LDLRAD3: variants seen among roughly 807,000 people sequenced by gnomAD.
LDLRAD3 encodes low density lipoprotein receptor class A domain containing 3.
A neutral mutation model predicts 29.4 loss-of-function variants in LDLRAD3; 20 were observed. The observed-to-expected ratio is 0.68, with a 90% confidence interval of 0.48 to 0.99. The LOEUF (loss-of-function observed/expected upper bound fraction) is 0.99, where lower values mean the gene tolerates loss of function less well. Ranked by LOEUF, LDLRAD3 falls within the 50% of genes least tolerant of loss-of-function variation. LDLRAD3 has a pLI of 0.00. For synonymous variants in LDLRAD3, 157 were observed against 192.7 expected (o/e 0.81, Z 1.53); for missense variants, 420 against 454.3 (o/e 0.92, Z 0.69).
intron 2 of LDLRAD3, among the ~76,000 whole-genome samples, chr11:36,062,009 A>G (rs1590234169): frequency 6.6e-6 from 1 of 152,256 alleles, no homozygotes; most frequent in East Asian, 1.9e-4. Context: ...TATAGTAATA[A>G]AAACTCTTAG....
intron 4 of LDLRAD3, among the ~76,000 whole-genome samples, chr11:36,201,632 C>T (rs961995413): frequency 6.6e-6 from 1 of 152,182 alleles, no homozygotes; most frequent in South Asian, 2.1e-4. Flanking sequence ...ATAATTACAA[C>T]GATGAATATG....
intron 4 of LDLRAD3, among the ~76,000 whole-genome samples, chr11:36,102,756 C>CT (rs1366648339): frequency 6.6e-6 from 1 of 152,086 alleles, no homozygotes; most frequent in Non-Finnish European, 1.5e-5. Context: ...CTTTCGATGG[C>CT]TTTTCTGTTG....
At chr11:36,019,833 T>C (rs1014417790) in intron 1 of LDLRAD3, among the ~76,000 whole-genome samples, 2 of 152,188 alleles carry the variant, frequency 1.3e-5, no homozygotes, top group Admixed American at 6.5e-5. Flanking sequence ...GATGGAGGAC[T>C]GGAGGCGTGA....
chr11:36,189,086 C>T (rs1318259592), intron 4 of LDLRAD3, among the ~76,000 whole-genome samples: 1 of 152,040 alleles, frequency 6.6e-6, no homozygotes, highest in Admixed American at 6.6e-5. Context: ...CAACCATCAT[C>T]ACATTAAACA....
intron 1 of LDLRAD3, among the ~76,000 whole-genome samples, chr11:35,984,167 C>T (rs536935793): frequency 3.7e-4 from 57 of 152,272 alleles, no homozygotes; most frequent in African/African-American, 1.3e-3. Context: ...AGGGCCCTCA[C>T]ACTACTAATT....
At chr11:35,985,169 A>G (rs1170023146) in intron 1 of LDLRAD3, among the ~76,000 whole-genome samples, 1 of 152,064 alleles carries the variant, frequency 6.6e-6, no homozygotes, top group Non-Finnish European at 1.5e-5. Context: ...GGCTTCACGC[A>G]ATTCACTCAC....
At position 36,128,117 on chromosome 11, in the gene LDLRAD3, C is replaced by CATATATATATATAT. The variant is rs57687795; in HGVS notation, c.454+29661_454+29674dup. On this transcript the variant is annotated intron_variant, in intron 4 of 5. Coordinates refer to ENST00000315571, the MANE Select transcript of LDLRAD3 (RefSeq NM_174902.4). ...CGTATTGATGGCAGAGTTGTTTTTA[C>CATATATATATATAT]ATATATATATATATATATGTATATG... Among the ~76,000 whole-genome samples the CATATATATATATAT allele has an allele frequency of 1.9e-3, 190 of 98,978 alleles. 19 individuals are homozygous for CATATATATATATAT. The highest frequency in any genetic ancestry group is 5.1e-3 in the East Asian group (14 of 2,742). 64.9% of individuals were successfully genotyped at this position (98,978 alleles called of 152,430 possible). A position where few individuals can be genotyped will look rare whatever the true frequency, so the allele number is the denominator to read the frequency against.
At chr11:36,021,759 A>G (rs1046231046) in intron 1 of LDLRAD3, among the ~76,000 whole-genome samples, 6 of 152,164 alleles carry the variant, frequency 3.9e-5, no homozygotes, top group South Asian at 2.1e-4. Context: ...CTCCCACCTC[A>G]GCCTCCTGAG....
chr11:36,149,698 T>C (rs1048973062), intron 4 of LDLRAD3, among the ~76,000 whole-genome samples: 1 of 152,164 alleles, frequency 6.6e-6, no homozygotes, highest in Non-Finnish European at 1.5e-5. Flanking sequence ...CAGTTGGTAA[T>C]TGGGTAGAAA....
Position 36,139,358 on chromosome 11 carries a change from CA to C in LDLRAD3, c.454+40899del, listed in dbSNP as rs1433936753. The stretch of plus-strand genomic sequence containing the variant: ...TTCATCCGTCAATTATAGATGATCC[CA>C]ACTTTGGTCTGTGTGTGTCTTCATT... On this transcript the variant is annotated intron_variant, in intron 4 of 5. Transcript: ENST00000315571. Among the ~76,000 whole-genome samples the C allele has an allele frequency of 4.6e-5, 7 of 152,276 alleles. No individual in the cohort carries two copies. The East Asian group carries it at 1.4e-3, about 29-fold the overall frequency.
At chr11:36,191,577 T>TCTCTCTCTAC (rs1491311177) in intron 4 of LDLRAD3, among the ~76,000 whole-genome samples, 1 of 39,086 alleles carries the variant, frequency 2.6e-5, no homozygotes, top group Non-Finnish European at 5.1e-5. Context: ...TCTCTCTCTC[T>TCTCTCTCTAC]ATATATATAT....
At chr11:35,996,509 C>T (rs551433421) in intron 1 of LDLRAD3, among the ~76,000 whole-genome samples, 105 of 152,248 alleles carry the variant, frequency 6.9e-4, no homozygotes, top group Non-Finnish European at 1.4e-3. Flanking sequence ...GTGATACAAA[C>T]ACATGAAGTG....
intron 4 of LDLRAD3, among the ~76,000 whole-genome samples, chr11:36,160,056 C>T (rs1178745806): frequency 6.6e-6 from 1 of 152,188 alleles, no homozygotes; most frequent in Non-Finnish European, 1.5e-5. Context: ...AAATCCGTGG[C>T]CTTACTGGCT....
At chr11:36,154,873 A>T (rs1446318170) in intron 4 of LDLRAD3, among the ~76,000 whole-genome samples, 1 of 152,094 alleles carries the variant, frequency 6.6e-6, no homozygotes, top group Non-Finnish European at 1.5e-5. Context: ...GGCCTCTACC[A>T]CAAGTCCCTC....
rs567374375 is a variant in LDLRAD3, at chr11:36,217,355, C to T, written c.455-9730C>T. On this transcript the variant is annotated intron_variant, in intron 4 of 5. Coordinates refer to ENST00000315571, the MANE Select transcript of LDLRAD3 (RefSeq NM_174902.4). Reference sequence around the variant, plus strand: ...AGGAGCAAGCCTGGTCTTTGCCCACCGAGAACTTAATGGTAAGATAGCCAC... The same window carrying T: ...AGGAGCAAGCCTGGTCTTTGCCCACTGAGAACTTAATGGTAAGATAGCCAC... Among the ~76,000 whole-genome samples, 103 of 152,040 alleles carry T rather than the reference C, an allele frequency of 6.8e-4. 1 individual carries two copies. The highest frequency in any genetic ancestry group is 9.1e-4 in the Non-Finnish European group (62 of 68,010).
chr11:36,079,060 G>A (rs1424776683), intron 2 of LDLRAD3, among the ~76,000 whole-genome samples: 1 of 152,168 alleles, frequency 6.6e-6, no homozygotes, highest in Admixed American at 6.5e-5. Flanking sequence ...CTCCCTCAGG[G>A]ACGCAGGGCA....
At chr11:36,124,644 C>A (rs1853809247) in intron 4 of LDLRAD3, among the ~76,000 whole-genome samples, 2 of 151,940 alleles carry the variant, frequency 1.3e-5, no homozygotes, top group Non-Finnish European at 2.9e-5. Flanking sequence ...CACATCTTCT[C>A]CTGGTATCCT....
chr11:36,060,857 A>G (rs1386457687), intron 2 of LDLRAD3, among the ~76,000 whole-genome samples: 1 of 152,222 alleles, frequency 6.6e-6, no homozygotes, highest in African/African-American at 2.4e-5. Flanking sequence ...TCCTTATAAC[A>G]TCCCATTTTC....
At chr11:36,060,486 A>G (rs933648507) in intron 2 of LDLRAD3, among the ~76,000 whole-genome samples, 3 of 152,196 alleles carry the variant, frequency 2.0e-5, no homozygotes, top group Admixed American at 6.5e-5. Flanking sequence ...TCACCCCACC[A>G]CAGTGCTTGT....
Sources: allele counts gnomAD v4.1 joint callset (sites outside exome capture counted in the v4.1 genomes callset), GRCh38; gene constraint gnomAD v4.1.1; transcripts MANE v1.5; gene names NCBI Gene and HGNC (gene_info 2026-07-23, HGNC 2026-07-21).